The following RFX2 variants were observed in gnomAD, a reference collection of about 807,000 sequenced individuals.
The protein encoded by RFX2 is DNA-binding protein RFX2.
In RFX2, 20 loss-of-function variants were observed where a neutral mutation model predicts 87.8. The ratio of observed to expected loss-of-function variants is 0.23; its 90% confidence interval spans 0.16 to 0.33. The LOEUF is 0.33. Ranked by LOEUF, RFX2 falls within the 10% of genes least tolerant of loss-of-function variation. The pLI is 1.00. For synonymous variants in RFX2, 397 were observed against 431.3 expected, an observed-to-expected ratio of 0.92 and a Z score of 0.98; for missense variants, 767 against 1,012.3, an observed-to-expected ratio of 0.76 and a Z score of 3.29.
intron 1 of RFX2, among the ~76,000 whole-genome samples, chr19:6,071,068 G>A (rs2087599509): frequency 6.6e-6 from 1 of 152,154 alleles, no homozygotes; most frequent in South Asian, 2.1e-4. Flanking sequence ...TTTGCCAAAT[G>A]GCTAATCTTT....
chr19:6,011,303 G>A lies in RFX2; in HGVS notation c.900-1052C>T, dbSNP rs1000297636. Among the ~76,000 whole-genome samples the A allele has an allele frequency of 1.3e-5, 2 of 152,174 alleles. No individual in the cohort carries two copies. Among genetic ancestry groups the A allele is most frequent in the Non-Finnish European group, 2.9e-5 (2 of 68,034 alleles). On this transcript the variant is annotated intron_variant, in intron 8 of 17. Coordinates refer to ENST00000303657, the MANE Select transcript of RFX2 (RefSeq NM_000635.4). This position sits in a 1 kb window ranked among gnomAD's most constrained non-coding sequence, Gnocchi z 4.8. ...GAGAAACACTCAGCACTTTCCAGGC[G>A]CTGGACTCCTCAGGGCCCGGTGTGT...
chr19:6,008,638 A>T (rs2144690547), intron 9 of RFX2, among the ~76,000 whole-genome samples: 1 of 147,696 alleles, frequency 6.8e-6, no homozygotes, highest in East Asian at 2.0e-4. Flanking sequence ...GCCTCCCAGA[A>T]TGCTGGGATT....
intron 1 of RFX2, among the ~76,000 whole-genome samples, chr19:6,053,771 C>A (rs1270103402): frequency 6.6e-6 from 1 of 152,038 alleles, no homozygotes; most frequent in African/African-American, 2.4e-5. Flanking sequence ...GCCTGGCCAA[C>A]ATGGTGAAAC....
intron 1 of RFX2, among the ~76,000 whole-genome samples, chr19:6,107,884 A>G (rs954817854): frequency 5.3e-5 from 8 of 152,190 alleles, no homozygotes; most frequent in Non-Finnish European, 1.0e-4. Flanking sequence ...CATACACATT[A>G]TATTATATTG....
In RFX2 at chr19:6,021,578, G is replaced by T. The variant is rs1006206798; in HGVS notation, c.597+4585C>A. ...CTGAGTGAAGACTCAGAGGAGGTGA[G>T]GGGGAGCCTGGGGAAGAGAGCTTCA... On this transcript the variant is annotated intron_variant, in intron 6 of 17. Transcript: ENST00000303657. The surrounding 1 kb of genome is among the most constrained non-coding windows in gnomAD (Gnocchi z 5.7). 7.9e-5 allele frequency among the ~76,000 whole-genome samples: 12 copies of T among 152,292 alleles called. 1 individual carries two copies. The East Asian group carries it at 2.3e-3, about 29-fold the overall frequency.
chr19:6,060,814 C>T (rs1002086730), intron 1 of RFX2, among the ~76,000 whole-genome samples: 41 of 152,030 alleles, frequency 2.7e-4, no homozygotes, highest in African/African-American at 9.9e-4. Context: ...CTGCTTGTCT[C>T]CCACCCTCGG....
intron 1 of RFX2, among the ~76,000 whole-genome samples, chr19:6,077,607 T>C (rs1424096579): frequency 6.6e-6 from 1 of 152,216 alleles, no homozygotes; most frequent in Non-Finnish European, 1.5e-5. Flanking sequence ...ACACAAATGC[T>C]TGGATACCAA....
chr19:6,097,174 A>G (rs2088042268), intron 1 of RFX2, among the ~76,000 whole-genome samples: 1 of 152,176 alleles, frequency 6.6e-6, no homozygotes. Context: ...ACACTGGGCA[A>G]CAGAGGAGAC....
intron 1 of RFX2, among the ~76,000 whole-genome samples, chr19:6,094,074 G>C (rs1397881784): frequency 6.6e-6 from 1 of 152,040 alleles, no homozygotes; most frequent in Non-Finnish European, 1.5e-5. Context: ...TTAAGAGCCT[G>C]AATTCTGCGG....
intron 5 of RFX2, among the ~76,000 whole-genome samples, chr19:6,035,850 GGTGTGT>G (rs34008943): frequency 4.2e-4 from 57 of 137,240 alleles, no homozygotes; most frequent in Admixed American, 7.1e-4. Context: ...CTTGGTGGGG[GGTGTGT>G]GTGTGTGTGT....
At position 6,010,057 on chromosome 19, in the gene RFX2, C is replaced by G; in HGVS notation, c.1015+79G>C. On this transcript the variant is annotated intron_variant, in intron 9 of 17. Coordinates refer to ENST00000303657, the MANE Select transcript of RFX2 (RefSeq NM_000635.4). The surrounding 1 kb of genome is among the most constrained non-coding windows in gnomAD (Gnocchi z 5.0). ...GTCGGAAGCAGACGCTTAGACACCA[C>G]TGGTTCTGCTGGTGTTGAAACCCAG... is the stretch of plus-strand genomic sequence containing the variant. 2.4e-6 allele frequency: 2 copies of G among 822,110 alleles called. No homozygotes were observed. Among genetic ancestry groups the G allele is most frequent in the Non-Finnish European group, 3.9e-6 (2 of 514,260 alleles). The allele number at this position is 822,110 out of a possible 1,614,324, so 50.9% of individuals were successfully genotyped here.
chr19:6,037,241 G>T (rs922904711), intron 5 of RFX2, among the ~76,000 whole-genome samples: 1 of 149,050 alleles, frequency 6.7e-6, no homozygotes, highest in Non-Finnish European at 1.5e-5. Context: ...CCCAGATTGC[G>T]CCACTGCACT....
intron 1 of RFX2, chr19:6,078,379 A>G (rs985324065): frequency 6.6e-5 from 10 of 151,452 alleles, no homozygotes; most frequent in African/African-American, 2.4e-4. Flanking sequence ...ACCTGTCCCC[A>G]GTGGCATTAG....
intron 5 of RFX2, among the ~76,000 whole-genome samples, chr19:6,028,080 T>A (rs2086912912): frequency 6.6e-6 from 1 of 152,160 alleles, no homozygotes; most frequent in African/African-American, 2.4e-5. Flanking sequence ...TTTTTAAAAG[T>A]TAAATGTATT....
intron 1 of RFX2, among the ~76,000 whole-genome samples, chr19:6,090,634 C>T (rs1450145038): frequency 6.6e-6 from 1 of 152,160 alleles, no homozygotes; most frequent in East Asian, 1.9e-4. Context: ...TTGCAGTTAC[C>T]ATACGACTCA....
intron 17 of RFX2, among the ~76,000 whole-genome samples, 200 bp from the exon 18 acceptor site, chr19:5,995,150 G>C (rs959286347): frequency 2.0e-5 from 3 of 152,166 alleles, no homozygotes; most frequent in African/African-American, 7.2e-5. Flanking sequence ...CCCCCAGCTC[G>C]GGCCAGGCGA....
chr19:6,017,259 T>C lies in RFX2; in HGVS notation c.598-988A>G, dbSNP rs566743103. ...CAAAAAACGAAACAAAACAAAAAGA[T>C]GGGCTAAATGAGTCCCGAGCCAAGG... is the stretch of plus-strand genomic sequence containing the variant. On this transcript the variant is annotated intron_variant, in intron 6 of 17. Transcript: ENST00000303657. This position sits in a 1 kb window ranked among gnomAD's most constrained non-coding sequence, Gnocchi z 4.1. 1.3e-5 allele frequency among the ~76,000 whole-genome samples: 2 copies of C among 152,170 alleles called. No homozygotes were observed. Among genetic ancestry groups the C allele is most frequent in the Admixed American group, 1.3e-4 (2 of 15,276 alleles).
intron 1 of RFX2, among the ~76,000 whole-genome samples, chr19:6,086,235 C>T (rs943509411): frequency 3.9e-5 from 6 of 152,006 alleles, no homozygotes; most frequent in Non-Finnish European, 7.4e-5. Context: ...GAGTAAAATA[C>T]GGCCATGAGT....
At chr19:6,073,115 G>A (rs1803001714) in intron 1 of RFX2, 2 of 446,720 alleles carry the variant, frequency 4.5e-6, no homozygotes, top group Non-Finnish European at 8.2e-6. Flanking sequence ...GAGTAGCTGG[G>A]ATTACAGGCT....
Sources: allele counts gnomAD v4.1 joint callset (sites outside exome capture counted in the v4.1 genomes callset), GRCh38; gene constraint gnomAD v4.1.1; non-coding constraint Gnocchi (gnomAD v3.1); transcripts MANE v1.5; gene names NCBI Gene and HGNC (gene_info 2026-07-23, HGNC 2026-07-21).